Variants in LGALS9 observed in about 807,000 individuals in gnomAD.
LGALS9 encodes the protein galectin-9.
A neutral mutation model predicts 35.9 loss-of-function variants in LGALS9; 26 were observed. The ratio of observed to expected loss-of-function variants is 0.72; its 90% confidence interval spans 0.53 to 1.01. The LOEUF is 1.01. LGALS9 is among the 50% of genes least tolerant of loss of function. The probability of loss-of-function intolerance (pLI) is 0.00; values close to 1 mark genes in which losing one functional copy is unlikely to be tolerated. For synonymous variants in LGALS9, 149 were observed against 172.2 expected (o/e 0.87, Z 1.06); for missense variants, 347 against 445.8 (o/e 0.78, Z 1.99).
intron 1 of LGALS9, among the ~76,000 whole-genome samples, chr17:27,635,525 A>T (rs2074440097): frequency 6.6e-6 from 1 of 152,072 alleles, no homozygotes; most frequent in Non-Finnish European, 1.5e-5. Context: ...ACTATTTAAG[A>T]TATTTTGAAA....
intron 2 of LGALS9, among the ~76,000 whole-genome samples, chr17:27,640,091 C>A (rs1904354801): frequency 6.6e-6 from 1 of 152,032 alleles, no homozygotes; most frequent in Non-Finnish European, 1.5e-5. Context: ...AGGCTGGTCT[C>A]AAACTCCTGG....
At chr17:27,646,177 G>A (rs732222) in intron 7 of LGALS9, among the ~76,000 whole-genome samples, 37,670 of 151,966 alleles carry the variant, frequency 0.25, 4,739 homozygotes, top group Admixed American at 0.31. Flanking sequence ...GTCACCAAGT[G>A]GGGAGTACAG....
At position 27,640,713 on chromosome 17, in the gene LGALS9, G is replaced by A; in HGVS notation, c.273G>A (p.Met91Ile). 6.2e-7 allele frequency: 1 copy of A among 1,614,224 alleles called. No individual in the cohort carries two copies. Among genetic ancestry groups the A allele is most frequent in the Non-Finnish European group, 8.5e-7 (1 of 1,180,042 alleles). ...GGCCCGAGGAGAGGAAGACACACAT[G>A]CCTTTCCAGAAGGGGATGCCCTTTG... The part of the protein sequence containing the change: ...SWGPEERKTH[M>I]PFQKGMPFDL... The change falls in exon 3 of 11, where the codon ATG becomes ATA. Residue 91 changes from methionine (M) to isoleucine (I), a missense_variant. Coordinates refer to ENST00000395473, the MANE Select transcript of LGALS9 (RefSeq NM_009587.3).
In LGALS9 at chr17:27,647,347, G is replaced by A. The variant is rs149003631; in HGVS notation, c.836G>A (p.Arg279His). Residue 279 changes from arginine (R) to histidine (H), a missense_variant, in exon 10 of 11, where the codon CGC becomes CAC. Physicochemically the swap from Arg to His is conservative, Grantham distance 29 (BLOSUM62 0). Coordinates refer to ENST00000395473, the MANE Select transcript of LGALS9 (RefSeq NM_009587.3). ...NPRFDENAVV[R>H]NTQIDNSWGS... ...CGTTTTGATGAGAATGCTGTGGTCC[G>A]CAACACCCAGATCGACAACTCCTGG... The A allele has an allele frequency of 9.0e-5, 145 of 1,614,158 alleles. No individual in the cohort carries two copies. The Admixed American group carries it at 9.7e-4, about 11-fold the overall frequency.
chr17:27,643,083 A>G (rs1188161195), intron 4 of LGALS9, among the ~76,000 whole-genome samples: 1 of 152,332 alleles, frequency 6.6e-6, no homozygotes, highest in East Asian at 1.9e-4. Flanking sequence ...AAAACTAAAT[A>G]AGGTCAGGAG....
intron 1 of LGALS9, among the ~76,000 whole-genome samples, chr17:27,637,796 C>T (rs1425336702): frequency 6.6e-6 from 1 of 152,158 alleles, no homozygotes; most frequent in Non-Finnish European, 1.5e-5. Context: ...TTGATGGGTC[C>T]CTTTGGTCCC....
chr17:27,635,294 G>A (rs1438350310), intron 1 of LGALS9, among the ~76,000 whole-genome samples: 1 of 151,974 alleles, frequency 6.6e-6, no homozygotes, highest in African/African-American at 2.4e-5. Context: ...TAAGATTAGT[G>A]GGACATGGTG....
At chr17:27,636,559 T>C (rs190276035) in intron 1 of LGALS9, among the ~76,000 whole-genome samples, 1 of 152,206 alleles carries the variant, frequency 6.6e-6, no homozygotes, top group Admixed American at 6.5e-5. Flanking sequence ...AGCCTCCACC[T>C]CCCAGGCTCA....
At chr17:27,645,980 A>G (rs893806508) in intron 7 of LGALS9, 69 bp downstream of exon 7, 23 of 1,609,326 alleles carry the variant, frequency 1.4e-5, no homozygotes, top group Non-Finnish European at 2.0e-5. Flanking sequence ...TAAACTCCCT[A>G]GAGCCCTAGA....
intron 8 of LGALS9, among the ~76,000 whole-genome samples, chr17:27,646,822 C>T (rs1044327493): frequency 2.5e-4 from 38 of 152,272 alleles, no homozygotes; most frequent in Middle Eastern, 3.4e-3. Context: ...CCCCACGAAA[C>T]GAGTCTTTTT....
intron 3 of LGALS9, among the ~76,000 whole-genome samples, chr17:27,641,531 C>T (rs946850382): frequency 6.6e-6 from 1 of 152,092 alleles, no homozygotes; most frequent in South Asian, 2.1e-4. Flanking sequence ...TGGGCCTGGT[C>T]GGAGAGGGAG....
intron 4 of LGALS9, 97 bp from the exon 5 acceptor site, chr17:27,643,428 G>T: frequency 3.2e-6 from 5 of 1,567,676 alleles, no homozygotes; most frequent in Non-Finnish European, 4.3e-6. Context: ...CGCCCTGCCT[G>T]CCTGGTCTCT....
chr17:27,639,926 C>T (rs1271095559), intron 2 of LGALS9, among the ~76,000 whole-genome samples: 2 of 152,076 alleles, frequency 1.3e-5, no homozygotes, highest in East Asian at 1.9e-4. Context: ...TTAGTCGAGA[C>T]GGGGTTTTAC....
In LGALS9 at chr17:27,645,851, T is replaced by C; in HGVS notation, c.577-10T>C. On this transcript the variant is annotated splice_polypyrimidine_tract_variant and intron_variant, in intron 6 of 10. Coordinates refer to ENST00000395473, the MANE Select transcript of LGALS9 (RefSeq NM_009587.3). ...GAGAGCCTGGGTGAGACCTGGTTTC[T>C]TTCTTCCAGACCCAGACAGTCATCC... 1 of 1,600,746 alleles carries C rather than the reference T, an allele frequency of 6.2e-7. No homozygotes were observed. The highest frequency in any genetic ancestry group is 1.4e-5 in the African/African-American group (1 of 73,858).
intron 7 of LGALS9, 124 bp downstream of exon 7, chr17:27,646,035 G>C (rs573949204): frequency 3.5e-4 from 322 of 927,156 alleles, no homozygotes; most frequent in Non-Finnish European, 5.1e-4. Context: ...GACACTAGGG[G>C]CTGAGTGCTT....
chr17:27,635,677 C>T (rs1283780148), intron 1 of LGALS9, among the ~76,000 whole-genome samples: 1 of 152,086 alleles, frequency 6.6e-6, no homozygotes, highest in East Asian at 1.9e-4. Flanking sequence ...GTCCATCACG[C>T]TCTGCCTTCA....
At chr17:27,642,210 C>G in intron 3 of LGALS9, 28 bp from the exon 4 acceptor site, 1 of 1,556,274 alleles carries the variant, frequency 6.4e-7, no homozygotes, top group Non-Finnish European at 8.8e-7. Context: ...GGGATGCCTC[C>G]CCCAGAACAT....
At chr17:27,632,355 GC>G (rs1228810747) in intron 1 of LGALS9, among the ~76,000 whole-genome samples, 3 of 152,180 alleles carry the variant, frequency 2.0e-5, no homozygotes, top group Non-Finnish European at 4.4e-5. Context: ...GGGCTTGAGT[GC>G]CCCCTGGTGA....
At chr17:27,642,740 A>G (rs186576827) in intron 4 of LGALS9, among the ~76,000 whole-genome samples, 37 of 152,166 alleles carry the variant, frequency 2.4e-4, no homozygotes, top group Admixed American at 2.3e-3. Context: ...CACCTCTCTC[A>G]GCCTTGGTTT....
Sources: gnomAD v4.1 joint callset for allele counts (sites outside exome capture counted in the v4.1 genomes callset) on GRCh38, gnomAD v4.1.1 for gene constraint, MANE v1.5 for transcripts, NCBI Gene and HGNC (gene_info 2026-07-23, HGNC 2026-07-21) for gene names.